Variants in MAST2 observed in about 807,000 individuals in gnomAD.
The protein encoded by MAST2 is microtubule associated serine/threonine kinase 2.
In MAST2, 70 loss-of-function variants were observed where a neutral mutation model predicts 147.4. The ratio of observed to expected loss-of-function variants is 0.47; its 90% CI spans 0.39 to 0.58. The LOEUF (loss-of-function observed/expected upper bound fraction) is 0.58, where lower values mean the gene tolerates loss of function less well. Among genes scored for constraint, MAST2 ranks in the 20% least tolerant of loss-of-function variants. The pLI is 0.00. For missense variants in MAST2, 2,080 were observed against 2,302.3 expected, an observed-to-expected ratio of 0.90 and a Z score of 1.98; for synonymous variants, 869 against 896.8, an observed-to-expected ratio of 0.97 and a Z score of 0.55.
chr1:45,842,728 A>G (rs935346416), intron 3 of MAST2, among the ~76,000 whole-genome samples: 1 of 152,180 alleles, frequency 6.6e-6, no homozygotes, highest in Non-Finnish European at 1.5e-5. Context: ...CCTTTTGGAT[A>G]CTGTGAATAG....
chr1:45,975,585 T>G (rs1644113622), intron 5 of MAST2, among the ~76,000 whole-genome samples: 1 of 141,000 alleles, frequency 7.1e-6, no homozygotes, highest in African/African-American at 2.7e-5. Context: ...GGAGGGAGGA[T>G]CGCTTGAGTA....
intron 7 of MAST2, among the ~76,000 whole-genome samples, chr1:46,003,767 G>A (rs1028412822): frequency 6.6e-6 from 1 of 152,090 alleles, no homozygotes; most frequent in Non-Finnish European, 1.5e-5. Flanking sequence ...ACACCCAGCC[G>A]AGCAACTTTT....
At chr1:45,826,568 G>A (rs1644799208) in intron 2 of MAST2, among the ~76,000 whole-genome samples, 1 of 151,992 alleles carries the variant, frequency 6.6e-6, no homozygotes, top group South Asian at 2.1e-4. Flanking sequence ...GCCCAGGCTA[G>A]TCTTGAACTC....
chr1:45,811,437 C>T (rs1316037709), intron 1 of MAST2, among the ~76,000 whole-genome samples: 1 of 148,864 alleles, frequency 6.7e-6, no homozygotes, highest in East Asian at 2.0e-4. Context: ...CTCCCGGGTT[C>T]GCGCCATTCT....
intron 4 of MAST2, among the ~76,000 whole-genome samples, chr1:45,947,206 G>T (rs955252614): frequency 6.6e-6 from 1 of 151,254 alleles, no homozygotes; most frequent in Non-Finnish European, 1.5e-5. Context: ...TTAAACCAGG[G>T]TTGTTAGTTT....
At chr1:45,834,734 T>C (rs1252238203) in intron 3 of MAST2, among the ~76,000 whole-genome samples, 1 of 152,182 alleles carries the variant, frequency 6.6e-6, no homozygotes, top group Non-Finnish European at 1.5e-5. Context: ...ATAAACATAC[T>C]GGAGCCTATG....
intron 3 of MAST2, among the ~76,000 whole-genome samples, chr1:45,856,840 G>A (rs76988039): frequency 0.011 from 1,645 of 152,058 alleles, 15 homozygotes; most frequent in Non-Finnish European, 0.017. Context: ...AGGGTAGTGG[G>A]CTGGGCTGAG....
intron 4 of MAST2, among the ~76,000 whole-genome samples, chr1:45,891,914 T>C (rs905168425): frequency 4.6e-5 from 7 of 152,208 alleles, no homozygotes; most frequent in African/African-American, 1.7e-4. Context: ...ATTTCACTTG[T>C]AATAACTATA....
chr1:46,016,337 G>C (rs1391814720), intron 10 of MAST2, among the ~76,000 whole-genome samples: 5 of 151,378 alleles, frequency 3.3e-5, no homozygotes, highest in Non-Finnish European at 7.4e-5. Context: ...CCAGGGCAAT[G>C]AGGCAGGAGA....
chr1:45,913,910 G>T, intron 4 of MAST2: 1 of 1,190,990 alleles, frequency 8.4e-7, no homozygotes, highest in South Asian at 1.6e-5. Context: ...ATGGAAACTG[G>T]CAGATGTCAG....
At chr1:45,962,954 A>G (rs1660649992) in intron 5 of MAST2, among the ~76,000 whole-genome samples, 1 of 152,210 alleles carries the variant, frequency 6.6e-6, no homozygotes, top group Admixed American at 6.5e-5. Context: ...GGTGTAAGGA[A>G]GGGATCCAGT....
intron 4 of MAST2, among the ~76,000 whole-genome samples, chr1:45,952,795 G>T (rs1250216616): frequency 2.0e-5 from 3 of 152,020 alleles, no homozygotes; most frequent in Non-Finnish European, 4.4e-5. Context: ...AAAACCAAGA[G>T]AACAAAATCT....
chr1:45,969,438 A>T (rs1270411300), intron 5 of MAST2, among the ~76,000 whole-genome samples: 1 of 152,214 alleles, frequency 6.6e-6, no homozygotes, highest in East Asian at 1.9e-4. Context: ...AGCGTCAGAC[A>T]ATCAAGTGAA....
intron 3 of MAST2, among the ~76,000 whole-genome samples, chr1:45,830,530 A>G (rs968564398): frequency 6.6e-6 from 1 of 152,150 alleles, no homozygotes; most frequent in Admixed American, 6.5e-5. Context: ...TACTAATTGT[A>G]TAGTGAGGGT....
At chr1:45,823,713 C>G (rs909613917) in intron 1 of MAST2, among the ~76,000 whole-genome samples, 5 of 152,092 alleles carry the variant, frequency 3.3e-5, no homozygotes, top group Admixed American at 3.3e-4. Context: ...GTTACAGCTT[C>G]CTTCATTGAC....
intron 3 of MAST2, among the ~76,000 whole-genome samples, chr1:45,839,000 G>T (rs1266276818): frequency 1.3e-5 from 2 of 152,090 alleles, no homozygotes; most frequent in African/African-American, 2.4e-5. Context: ...TTGAGACAGG[G>T]TCTCACTCTG....
intron 4 of MAST2, among the ~76,000 whole-genome samples, chr1:45,929,383 AG>A (rs1026544101): frequency 1.3e-5 from 2 of 150,766 alleles, no homozygotes; most frequent in East Asian, 1.9e-4. Context: ...CCAGAGCAGC[AG>A]GGGGGGAGTT....
intron 4 of MAST2, among the ~76,000 whole-genome samples, chr1:45,912,509 T>C (rs190199557): frequency 5.3e-4 from 81 of 152,380 alleles, no homozygotes; most frequent in Admixed American, 1.8e-3. Context: ...TAAATTGATA[T>C]AATGTCTTAC....
chr1:45,976,285 A>G (rs1644153734), intron 5 of MAST2, among the ~76,000 whole-genome samples: 1 of 152,016 alleles, frequency 6.6e-6, no homozygotes, highest in South Asian at 2.1e-4. Context: ...GGAAAACTAA[A>G]TACTCTTTAA....
Sources: allele counts gnomAD v4.1 joint callset (sites outside exome capture counted in the v4.1 genomes callset), GRCh38; gene constraint gnomAD v4.1.1; transcripts MANE v1.5; gene names NCBI Gene and HGNC (gene_info 2026-07-23, HGNC 2026-07-21).